The following ODAD2 variants were observed in gnomAD, a reference collection of about 807,000 sequenced individuals.
The protein encoded by ODAD2 is outer dynein arm-docking complex subunit 2.
A neutral mutation model predicts 106.8 loss-of-function variants in ODAD2; 89 were observed. That is an observed-to-expected ratio of 0.83 (90% CI 0.70 to 0.99). The LOEUF (loss-of-function observed/expected upper bound fraction) is 0.99, where lower values mean the gene tolerates loss of function less well. Among genes scored for constraint, ODAD2 ranks in the 50% least tolerant of loss-of-function variants. The probability of loss-of-function intolerance (pLI) is 0.00; values close to 1 mark genes in which losing one functional copy is unlikely to be tolerated. For synonymous variants in ODAD2, 404 were observed against 436.2 expected, an observed-to-expected ratio of 0.93 and a Z score of 0.92; for missense variants, 1,168 against 1,238.5, an observed-to-expected ratio of 0.94 and a Z score of 0.85.
At chr10:27,845,743 GA>G (rs1838691267) in intron 19 of ODAD2, among the ~76,000 whole-genome samples, 1 of 151,562 alleles carries the variant, frequency 6.6e-6, no homozygotes, top group African/African-American at 2.4e-5. Flanking sequence ...CAAGCAAATG[GA>G]AAACAAAAAA....
chr10:27,966,313 G>C (rs1276138719), intron 9 of ODAD2, among the ~76,000 whole-genome samples: 2 of 152,172 alleles, frequency 1.3e-5, no homozygotes, highest in East Asian at 3.9e-4. Context: ...AAAGATTCCA[G>C]ATTGAAGCAT....
At position 27,812,523 on chromosome 10, in the gene ODAD2, T is replaced by C. The variant is rs1469966066; in HGVS notation, c.3124A>G (p.Arg1042Gly). The change falls in exon 20 of 20, where the codon AGA becomes GGA. Residue 1042 changes from arginine (R) to glycine (G), a missense_variant. By Grantham distance (125) the Arg-to-Gly change is moderately radical. Coordinates refer to ENST00000305242, the MANE Select transcript of ODAD2 (RefSeq NM_018076.5). ...TGTCCATTTAAATTTCAAGTGTATC[T>C]TGCCTTCTCTGTAGCAAGAGCCAGC... ...RRLALATEKA[R>G]YT 1.9e-6 allele frequency: 3 copies of C among 1,613,214 alleles called. No homozygotes were observed. Among genetic ancestry groups the C allele is most frequent in the Non-Finnish European group, 1.7e-6 (2 of 1,179,838 alleles).
At chr10:27,840,468 C>T (rs570378393) in intron 19 of ODAD2, among the ~76,000 whole-genome samples, 12 of 152,282 alleles carry the variant, frequency 7.9e-5, no homozygotes, top group African/African-American at 2.6e-4. Context: ...AATGGCAAGT[C>T]TTGGAAGCCA....
chr10:27,924,597 G>C (rs1323170965), intron 16 of ODAD2, among the ~76,000 whole-genome samples: 1 of 26,902 alleles, frequency 3.7e-5, no homozygotes, highest in African/African-American at 1.6e-4. Flanking sequence ...AACCATACTA[G>C]CTAAATTGAT....
At chr10:27,952,579 G>A (rs377495121) in intron 10 of ODAD2, among the ~76,000 whole-genome samples, 24 of 152,148 alleles carry the variant, frequency 1.6e-4, no homozygotes, top group Admixed American at 9.2e-4. Flanking sequence ...CCTGGTGTGT[G>A]TTGTTACCCT....
At chr10:27,882,233 G>GAAAGAAATAAATAAAT (rs1451039386) in intron 17 of ODAD2, among the ~76,000 whole-genome samples, 1 of 145,252 alleles carries the variant, frequency 6.9e-6, no homozygotes, top group African/African-American at 2.5e-5. Context: ...AAGAAAGAAA[G>GAAAGAAATAAATAAAT]AAATATGAAC....
intron 1 of ODAD2, among the ~76,000 whole-genome samples, chr10:27,995,389 G>A (rs1221704505): frequency 2.0e-5 from 3 of 152,020 alleles, no homozygotes; most frequent in Admixed American, 6.6e-5. Context: ...AGAAATTTCC[G>A]GTATTTGCCC....
upstream of ODAD2, among the ~76,000 whole-genome samples, chr10:27,999,582 A>G (rs574027568): frequency 3.2e-4 from 48 of 152,062 alleles, no homozygotes; most frequent in African/African-American, 1.1e-3. Context: ...ACCTTTGTCC[A>G]TTAAGATGGT....
chr10:27,895,608 C>CA lies in ODAD2; in HGVS notation c.2610+12054dup, dbSNP rs1367306433. On this transcript the variant is annotated intron_variant, in intron 17 of 19. Transcript: ENST00000305242. ...CTGACCTAAACTTTAATTAAAACTG[C>CA]ATATAACTCAAAATTCAGTTATTTG... is the stretch of plus-strand genomic sequence containing the variant. 5.3e-5 allele frequency among the ~76,000 whole-genome samples: 8 copies of CA among 152,256 alleles called. No individual in the cohort carries two copies. The South Asian group carries it at 1.5e-3, about 28-fold the overall frequency.
At chr10:27,979,445 T>TACACAC (rs35697488) in intron 7 of ODAD2, among the ~76,000 whole-genome samples, 51 of 141,924 alleles carry the variant, frequency 3.6e-4, no homozygotes, top group East Asian at 1.1e-3. Context: ...CACACACCCA[T>TACACAC]ACACACACAC....
intron 19 of ODAD2, among the ~76,000 whole-genome samples, chr10:27,831,659 T>C (rs151147345): frequency 6.6e-6 from 1 of 152,240 alleles, no homozygotes; most frequent in Non-Finnish European, 1.5e-5. Context: ...ATGGCCTCCC[T>C]TGGCGTACGT....
rs866557612 is a variant in ODAD2, at chr10:27,944,391, G to A, written c.1574C>T (p.Pro525Leu). ...GTCAACAATATTCTGTCTGATTTGA[G>A]GATTATGACTGATTTCCTTCAGTAT... ...LKILKEISHN[P>L]QIRQNIVDLG... The change falls in exon 12 of 20, where the codon CCT (proline) becomes CTT (leucine). Residue 525 changes from proline (P) to leucine (L), a missense_variant. Physicochemically the swap from Pro to Leu is moderately conservative, Grantham distance 98. Transcript: ENST00000305242. The A allele has an allele frequency of 6.2e-7, 1 of 1,613,960 alleles. No individual in the cohort carries two copies. Among genetic ancestry groups the A allele is most frequent in the Non-Finnish European group, 8.5e-7 (1 of 1,179,954 alleles).
chr10:27,940,914 G>T lies in ODAD2; in HGVS notation c.1744-109C>A, dbSNP rs1760933567. On this transcript the variant is annotated intron_variant, in intron 12 of 19. Transcript: ENST00000305242. ...CCAAGCTCACCTCCGTCAAAAACAA[G>T]AATGCTTTAAAAAATCACTTTTCGT... 4.2e-6 allele frequency: 5 copies of T among 1,195,454 alleles called. No homozygotes were observed. In the Admixed American group the frequency reaches 9.6e-5, roughly 23 times the overall value. The allele number at this position is 1,195,454 out of a possible 1,614,324, so 74.1% of individuals were successfully genotyped here.
intron 1 of ODAD2, among the ~76,000 whole-genome samples, chr10:27,998,702 C>A (rs574449198): frequency 6.6e-6 from 1 of 151,954 alleles, no homozygotes; most frequent in South Asian, 2.1e-4. Flanking sequence ...CAGGCGAGAG[C>A]GGCAGCGGCG....
rs1405144712 is a variant in ODAD2 at position 27,971,045 on chromosome 10, GA to G, written c.1142+62del. 33 of 816,630 alleles carry G rather than the reference GA, an allele frequency of 4.0e-5. No individual in the cohort carries two copies. In the East Asian group the frequency reaches 8.3e-4, roughly 21 times the overall value. The allele number at this position is 816,630 out of a possible 1,614,324, so 50.6% of individuals were successfully genotyped here. ...AAAATAAAATAAAATAAAGTTCTGT[GA>G]AAAATTAGGTGAGTATGGTTACTAA... On this transcript the variant is annotated intron_variant, in intron 8 of 19. Transcript: ENST00000305242.
chr10:27,986,599 A>T (rs1019147904), intron 3 of ODAD2, among the ~76,000 whole-genome samples: 1 of 152,186 alleles, frequency 6.6e-6, no homozygotes, highest in African/African-American at 2.4e-5. Flanking sequence ...AAAAAAGACC[A>T]TCTTCCCATC....
At chr10:27,946,133 T>G (rs1015638693) in intron 10 of ODAD2, among the ~76,000 whole-genome samples, 4 of 148,364 alleles carry the variant, frequency 2.7e-5, no homozygotes, top group Non-Finnish European at 5.9e-5. Flanking sequence ...TTAAAATGTA[T>G]TTTTAAATAT....
In ODAD2 at chr10:27,926,917, T is replaced by C. The variant is rs576798977; in HGVS notation, c.2495+8093A>G. ...AATTTTATAAGTATCAAATAGACATTACTTGATACTTACAAAACAAGAAAC... is the reference window on the plus strand; with the variant it reads ...AATTTTATAAGTATCAAATAGACATCACTTGATACTTACAAAACAAGAAAC... On this transcript the variant is annotated intron_variant, in intron 16 of 19. Coordinates refer to ENST00000305242, the MANE Select transcript of ODAD2 (RefSeq NM_018076.5). Among the ~76,000 whole-genome samples, 28 of 152,282 alleles carry C rather than the reference T, an allele frequency of 1.8e-4. 1 individual carries two copies. The Middle Eastern group carries it at 0.014, about 74-fold the overall frequency.
At chr10:27,991,982 G>A (rs1341254209) in intron 2 of ODAD2, among the ~76,000 whole-genome samples, 4 of 152,206 alleles carry the variant, frequency 2.6e-5, no homozygotes, top group African/African-American at 4.8e-5. Context: ...GGGTAATTGA[G>A]AATATCTCTG....
Sources: allele counts gnomAD v4.1 joint callset (sites outside exome capture counted in the v4.1 genomes callset), GRCh38; gene constraint gnomAD v4.1.1; transcripts MANE v1.5; gene names NCBI Gene and HGNC (gene_info 2026-07-23, HGNC 2026-07-21).